The following CCDC180 variants were observed in gnomAD, a reference collection of about 807,000 sequenced individuals.
CCDC180 encodes coiled-coil domain containing 180, also known as coiled-coil domain-containing protein 180.
In CCDC180, 154 loss-of-function variants were observed where a neutral mutation model predicts 209.2. The observed-to-expected ratio is 0.74, with a 90% CI of 0.65 to 0.84. The LOEUF (loss-of-function observed/expected upper bound fraction) is 0.84. Among genes scored for constraint, CCDC180 ranks in the 40% least tolerant of loss-of-function variants. The pLI is 0.00. For missense variants in CCDC180, 1,874 were observed against 1,997.3 expected (o/e 0.94, Z 1.18); for synonymous variants, 778 against 749.1 (o/e 1.04, Z -0.63).
intron 18 of CCDC180, among the ~76,000 whole-genome samples, chr9:97,338,520 TGA>T (rs1825978837): frequency 6.6e-6 from 1 of 152,238 alleles, no homozygotes; most frequent in Admixed American, 6.5e-5. Context: ...CACTGTGGTC[TGA>T]GAGACAGTTT....
rs757635806 is a variant in CCDC180 at position 97,318,551 on chromosome 9, C to G, written c.1048C>G (p.Gln350Glu). Residue 350 changes from glutamine (Q) to glutamate (E), a missense_variant, in exon 10 of 37, where the codon CAA becomes GAA. Physicochemically the swap from Gln to Glu is conservative, Grantham distance 29. Transcript: ENST00000529487. ...VMLKTQNVLQQRRLKHLCTIC... is the reference protein window; with the variant it reads ...VMLKTQNVLQERRLKHLCTIC... ...GCTGAAGACCCAGAACGTCCTGCAG[C>G]AAAGGCGGCTGAAGCATCTCTGCAC... is the stretch of plus-strand genomic sequence containing the variant. 6.2e-7 allele frequency: 1 copy of G among 1,613,472 alleles called. No individual in the cohort carries two copies. Among genetic ancestry groups the G allele is most frequent in the South Asian group, 1.1e-5 (1 of 91,080 alleles).
rs1826288706 is a variant in CCDC180, at chr9:97,347,374, C to T, written c.2559C>T (p.Thr853=). 2.6e-6 allele frequency: 4 copies of T among 1,536,094 alleles called. No homozygotes were observed. The highest frequency in any genetic ancestry group is 3.5e-6 in the Non-Finnish European group (4 of 1,146,910). ...GGTTTGACCAGTGTTCCCTCAACAC[C>T]CGGGTCACCGTGGCCACCAAAATCA... ...EKWFDQCSLN[T]RVTVATKINE... Residue 853 remains threonine (T), a synonymous_variant, in exon 20 of 37, where the codon ACC becomes ACT. Coordinates refer to ENST00000529487, the MANE Select transcript of CCDC180 (RefSeq NM_020893.6).
chr9:97,314,552 C>T, intron 6 of CCDC180, 31 bp downstream of exon 6: 1 of 1,613,662 alleles, frequency 6.2e-7, no homozygotes, highest in South Asian at 1.1e-5. Flanking sequence ...GGGCCTGCCC[C>T]ACCCAGGTCC....
At chr9:97,375,718 C>A in intron 36 of CCDC180, 129 bp downstream of exon 36, 2 of 1,098,182 alleles carry the variant, frequency 1.8e-6, no homozygotes, top group Non-Finnish European at 2.6e-6. Flanking sequence ...GTCAGCACAC[C>A]CCAGAGCTGC....
chr9:97,314,087 A>G (rs1256390830), intron 5 of CCDC180, among the ~76,000 whole-genome samples: 1 of 152,122 alleles, frequency 6.6e-6, no homozygotes, highest in East Asian at 1.9e-4. Context: ...TCTGAAGTAA[A>G]CCTGGCATTC....
chr9:97,308,521 C>G (rs1184138593), intron 2 of CCDC180, among the ~76,000 whole-genome samples: 1 of 152,134 alleles, frequency 6.6e-6, no homozygotes, highest in Non-Finnish European at 1.5e-5. Flanking sequence ...TTTCTATGCC[C>G]GTGGGCGCCC....
intron 35 of CCDC180, 124 bp from the exon 36 acceptor site, chr9:97,375,330 A>G (rs1827221094): frequency 7.7e-7 from 1 of 1,304,404 alleles, no homozygotes; most frequent in Non-Finnish European, 1.1e-6. Flanking sequence ...TTTTCTTTTC[A>G]TTAAGATATT....
chr9:97,329,960 C>T (rs1356843354), intron 16 of CCDC180, among the ~76,000 whole-genome samples, 194 bp from the exon 17 acceptor site: 2 of 148,764 alleles, frequency 1.3e-5, no homozygotes, highest in African/African-American at 2.5e-5. Flanking sequence ...CCCAGCTACT[C>T]GGGAGGCTGA....
intron 18 of CCDC180, among the ~76,000 whole-genome samples, chr9:97,341,643 C>G (rs1331437640): frequency 6.6e-6 from 1 of 152,174 alleles, no homozygotes; most frequent in African/African-American, 2.4e-5. Flanking sequence ...GTCAGGGACC[C>G]ACTTGAGGAG....
chr9:97,315,265 GC>G, intron 8 of CCDC180, among the ~76,000 whole-genome samples: 1 of 152,152 alleles, frequency 6.6e-6, no homozygotes, highest in South Asian at 2.1e-4. Context: ...TCATGTCTCA[GC>G]AACTGTGTGC....
At chr9:97,311,077 C>G (rs186751430) in intron 3 of CCDC180, among the ~76,000 whole-genome samples, 1 of 152,146 alleles carries the variant, frequency 6.6e-6, no homozygotes, top group Non-Finnish European at 1.5e-5. Flanking sequence ...TTTGAAGATT[C>G]GGCCAGCTAA....
At chr9:97,317,520 T>C (rs1027489861) in intron 9 of CCDC180, among the ~76,000 whole-genome samples, 12 of 152,216 alleles carry the variant, frequency 7.9e-5, no homozygotes, top group African/African-American at 2.9e-4. Flanking sequence ...TTCATGACCA[T>C]TCTCTGAGCT....
Position 97,360,533 on chromosome 9 carries a change from C to T in CCDC180, c.3483+432C>T, listed in dbSNP as rs757256980. Among the ~76,000 whole-genome samples, 7 of 152,270 alleles carry T rather than the reference C, an allele frequency of 4.6e-5. No individual in the cohort carries two copies. The South Asian group carries it at 8.3e-4, about 18-fold the overall frequency. ...ACATCCTCTCACATCTCCCATGGTC[C>T]GTTCCCCGAACATGGCCAGAAGAGG... On this transcript the variant is annotated intron_variant, in intron 26 of 36. Coordinates refer to ENST00000529487, the MANE Select transcript of CCDC180 (RefSeq NM_020893.6).
chr9:97,344,895 T>C (rs1826201842), intron 19 of CCDC180, among the ~76,000 whole-genome samples: 1 of 152,176 alleles, frequency 6.6e-6, no homozygotes, highest in Non-Finnish European at 1.5e-5. Flanking sequence ...AAGTCACCAC[T>C]CTCTCTTCCC....
At chr9:97,330,831 T>C in intron 18 of CCDC180, 64 bp downstream of exon 18, 1 of 1,489,910 alleles carries the variant, frequency 6.7e-7, no homozygotes, top group East Asian at 2.3e-5. Context: ...TTTGTGTTTA[T>C]CCCTAGTGTA....
At chr9:97,350,675 T>A (rs1826398675) in intron 22 of CCDC180, 120 bp downstream of exon 22, 2 of 1,096,928 alleles carry the variant, frequency 1.8e-6, no homozygotes, top group South Asian at 1.6e-5. Context: ...CTTAACATCT[T>A]AACCATTTTT....
chr9:97,353,670 T>C (rs2118834266), intron 22 of CCDC180, among the ~76,000 whole-genome samples: 1 of 152,348 alleles, frequency 6.6e-6, no homozygotes, highest in Admixed American at 6.5e-5. Flanking sequence ...AATTCTCTGC[T>C]TGAGGTTTTT....
At chr9:97,330,979 T>C (rs372685907) in intron 18 of CCDC180, among the ~76,000 whole-genome samples, 1 of 152,226 alleles carries the variant, frequency 6.6e-6, no homozygotes, top group Non-Finnish European at 1.5e-5. Context: ...AGGTAAACTA[T>C]GTATCATGGG....
At chr9:97,370,489 A>C in intron 32 of CCDC180, 152 bp from the exon 33 acceptor site, 1 of 799,434 alleles carries the variant, frequency 1.3e-6, no homozygotes, top group Non-Finnish European at 2.0e-6. Context: ...CCCCCCTCTT[A>C]ACCCCTCTGC....
Sources: gnomAD v4.1 joint callset for allele counts (sites outside exome capture counted in the v4.1 genomes callset) on GRCh38, gnomAD v4.1.1 for gene constraint, MANE v1.5 for transcripts, NCBI Gene and HGNC (gene_info 2026-07-23, HGNC 2026-07-21) for gene names.